PCDHGA6: variants seen among roughly 807,000 people sequenced by gnomAD.
PCDHGA6 encodes protocadherin gamma-A6.
Under a neutral mutation model 60.6 loss-of-function variants are expected in PCDHGA6, and 41 were observed. That is an observed-to-expected ratio of 0.68 (90% CI 0.53 to 0.88). The LOEUF (loss-of-function observed/expected upper bound fraction) is 0.88, where lower values mean the gene tolerates loss of function less well. PCDHGA6 is among the 40% of genes least tolerant of loss of function. The probability of loss-of-function intolerance (pLI) is 0.00; values close to 1 mark genes in which losing one functional copy is unlikely to be tolerated. For missense variants in PCDHGA6, 1,312 were observed against 1,203.0 expected (o/e 1.09, Z -1.34); for synonymous variants, 594 against 524.4 (o/e 1.13, Z -1.81).
At position 141,432,202 on chromosome 5, in the gene PCDHGA6, T is replaced by C; in HGVS notation, c.2424+55695T>C. 1 of 1,614,120 alleles carries C rather than the reference T, an allele frequency of 6.2e-7. No homozygotes were observed. The highest frequency in any genetic ancestry group is 1.1e-5 in the South Asian group (1 of 91,072). ...CTGTGACCGCCCACGACCCCGACTGTGAAGAGAACGCCCAGATCACTTATT... is the reference window on the plus strand; with the variant it reads ...CTGTGACCGCCCACGACCCCGACTGCGAAGAGAACGCCCAGATCACTTATT... On this transcript the variant is annotated intron_variant, in intron 1 of 3. Coordinates refer to ENST00000517434, the MANE Select transcript of PCDHGA6 (RefSeq NM_018919.3). The surrounding 1 kb of genome is among the most constrained non-coding windows in gnomAD (Gnocchi z 6.0).
intron 1 of PCDHGA6, chr5:141,415,228 C>A: frequency 1.2e-6 from 2 of 1,614,168 alleles, no homozygotes; most frequent in South Asian, 2.2e-5. Flanking sequence ...CTTCGAGTCT[C>A]CAGCTAACTC....
chr5:141,432,630 G>A lies in PCDHGA6; in HGVS notation c.2424+56123G>A, dbSNP rs1278355878. On this transcript the variant is annotated intron_variant, in intron 1 of 3. Coordinates refer to ENST00000517434, the MANE Select transcript of PCDHGA6 (RefSeq NM_018919.3). This position sits in a 1 kb window ranked among gnomAD's most constrained non-coding sequence, Gnocchi z 6.0. ...CTCTTCTCGGTGGGTCTGCACACGG[G>A]CGAGGTGCGCACGGCGCGAGCCCTG... 3.7e-6 allele frequency: 6 copies of A among 1,612,782 alleles called. No homozygotes were observed. Among genetic ancestry groups the A allele is most frequent in the Non-Finnish European group, 5.1e-6 (6 of 1,179,682 alleles).
intron 1 of PCDHGA6, chr5:141,433,169 C>T: frequency 6.2e-7 from 1 of 1,613,000 alleles, no homozygotes; most frequent in Non-Finnish European, 8.5e-7. Context: ...TAAAGACAGT[C>T]ATGGGTTAAT....
chr5:141,439,056 T>C (rs2098084461), intron 1 of PCDHGA6, among the ~76,000 whole-genome samples: 1 of 151,260 alleles, frequency 6.6e-6, no homozygotes, highest in Non-Finnish European at 1.5e-5. Flanking sequence ...TTCCATATTG[T>C]GTGGCAGGCG....
rs187495695 is a variant in PCDHGA6, at chr5:141,486,508, T to G, written c.2425-8299T>G. The G allele has an allele frequency of 9.3e-6, 15 of 1,614,172 alleles. No homozygotes were observed. In the Admixed American group the frequency reaches 2.5e-4, roughly 27 times the overall value. The stretch of plus-strand genomic sequence containing the variant: ...CCCACAGAACTATTTTCCTCAATAT[T>G]TCAGATGTGAATGATAATCCACCCT... On this transcript the variant is annotated intron_variant, in intron 1 of 3. Coordinates refer to ENST00000517434, the MANE Select transcript of PCDHGA6 (RefSeq NM_018919.3). The surrounding 1 kb of genome is among the most constrained non-coding windows in gnomAD (Gnocchi z 5.0).
chr5:141,473,116 G>A (rs966472502), intron 1 of PCDHGA6, among the ~76,000 whole-genome samples: 19 of 152,114 alleles, frequency 1.2e-4, no homozygotes, highest in African/African-American at 4.6e-4. Context: ...ACTTTACTTG[G>A]CTCTTTGGCA....
At chr5:141,422,959 C>G in intron 1 of PCDHGA6, 1 of 1,614,234 alleles carries the variant, frequency 6.2e-7, no homozygotes, top group Non-Finnish European at 8.5e-7. Flanking sequence ...TGGCGTGGAG[C>G]TGGCGCCCCG....
chr5:141,396,902 A>C (rs2093450439), intron 1 of PCDHGA6, among the ~76,000 whole-genome samples: 1 of 152,234 alleles, frequency 6.6e-6, no homozygotes, highest in African/African-American at 2.4e-5. Context: ...TATTATTGGC[A>C]CTTTGCAATT....
At chr5:141,428,147 G>T (rs771536400) in intron 1 of PCDHGA6, 1 of 1,589,612 alleles carries the variant, frequency 6.3e-7, no homozygotes, top group South Asian at 1.1e-5. Flanking sequence ...GGCTGCACAC[G>T]GGAACCTGCT....
At chr5:141,397,627 T>C (rs2093547800) in intron 1 of PCDHGA6, among the ~76,000 whole-genome samples, 1 of 152,224 alleles carries the variant, frequency 6.6e-6, no homozygotes, top group African/African-American at 2.4e-5. Context: ...TAGTTCTAGC[T>C]AAGAGTTCAA....
chr5:141,416,169 TAA>T (rs1350204040), intron 1 of PCDHGA6: 1 of 152,706 alleles, frequency 6.5e-6, no homozygotes, highest in African/African-American at 2.4e-5. Flanking sequence ...TTGAATATAC[TAA>T]GTTTTTCATT....
intron 1 of PCDHGA6, chr5:141,421,270 C>G: frequency 6.2e-7 from 1 of 1,612,094 alleles, no homozygotes; most frequent in Non-Finnish European, 8.5e-7. Context: ...TCGGCTGCTG[C>G]TGCTGCTGTG....
At chr5:141,484,047 TC>T (rs1351554084) in intron 1 of PCDHGA6, among the ~76,000 whole-genome samples, 1 of 151,912 alleles carries the variant, frequency 6.6e-6, no homozygotes, top group African/African-American at 2.4e-5. Context: ...CTCCAAGAGG[TC>T]CCCTGGGGCT....
At chr5:141,382,872 G>T in intron 1 of PCDHGA6, 1 of 1,522,356 alleles carries the variant, frequency 6.6e-7, no homozygotes, top group Non-Finnish European at 8.8e-7. Flanking sequence ...CCCGAGATCG[G>T]CGCCTAAGCA....
rs1223431294 is a variant in PCDHGA6, at chr5:141,490,280, C to T, written c.2425-4527C>T. ...GATGTGGGGGATGTCAATGACAATG[C>T]CCCAGAGGTGCTATTGGCCTCTTTG... On this transcript the variant is annotated intron_variant, in intron 1 of 3. Transcript: ENST00000517434. The surrounding 1 kb of genome is among the most constrained non-coding windows in gnomAD (Gnocchi z 5.4). The T allele has an allele frequency of 5.6e-6, 9 of 1,614,216 alleles. No individual in the cohort carries two copies. In the East Asian group the frequency reaches 1.8e-4, roughly 32 times the overall value.
At chr5:141,407,415 A>C (rs1561707597) in intron 1 of PCDHGA6, among the ~76,000 whole-genome samples, 1 of 152,228 alleles carries the variant, frequency 6.6e-6, no homozygotes, top group Non-Finnish European at 1.5e-5. Flanking sequence ...TCGATACCAC[A>C]AAAATGTCTC....
intron 1 of PCDHGA6, among the ~76,000 whole-genome samples, chr5:141,448,604 A>G (rs954578256): frequency 1.3e-5 from 2 of 152,118 alleles, no homozygotes; most frequent in Non-Finnish European, 2.9e-5. Flanking sequence ...AATACTATAC[A>G]CCACTTTATA....
At chr5:141,464,995 G>A (rs1330469198) in intron 1 of PCDHGA6, among the ~76,000 whole-genome samples, 1 of 151,962 alleles carries the variant, frequency 6.6e-6, no homozygotes, top group East Asian at 1.9e-4. Context: ...TCCCACCTCA[G>A]CCTCCCAAAG....
At chr5:141,388,250 G>A in intron 1 of PCDHGA6, 1 of 1,610,522 alleles carries the variant, frequency 6.2e-7, no homozygotes, top group Middle Eastern at 1.7e-4. Flanking sequence ...TGAATGTGGA[G>A]ATCGAGGACA....
Sources: allele counts gnomAD v4.1 joint callset (sites outside exome capture counted in the v4.1 genomes callset), GRCh38; gene constraint gnomAD v4.1.1; non-coding constraint Gnocchi (gnomAD v3.1); transcripts MANE v1.5; gene names NCBI Gene and HGNC (gene_info 2026-07-23, HGNC 2026-07-21).